The following SLC10A7 variants were observed in gnomAD, a reference collection of about 807,000 sequenced individuals.
SLC10A7 encodes solute carrier family 10 member 7, also known as sodium/bile acid cotransporter 7.
In SLC10A7, 29 loss-of-function variants were observed where a neutral mutation model predicts 43.2. That is an observed-to-expected ratio of 0.67 (90% CI 0.50 to 0.92). The LOEUF is 0.92. SLC10A7 is among the 40% of genes least tolerant of loss of function. The pLI, the probability that SLC10A7 is intolerant of heterozygous loss-of-function variation, is 0.00. For synonymous variants in SLC10A7, 152 were observed against 144.8 expected, an observed-to-expected ratio of 1.05 and a Z score of -0.35; for missense variants, 295 against 403.2, an observed-to-expected ratio of 0.73 and a Z score of 2.30.
chr4:146,363,407 A>G (rs1316059350), intron 5 of SLC10A7, among the ~76,000 whole-genome samples: 1 of 152,174 alleles, frequency 6.6e-6, no homozygotes, highest in Non-Finnish European at 1.5e-5. Context: ...CCAATACAAT[A>G]ATAGCTGGTG....
In SLC10A7 at chr4:146,375,259, A is replaced by T. The variant is rs1324318214; in HGVS notation, c.436-49263T>A. ...AACAAAACACAACAAAAAACCAAACAGTATGAATAGACAGGAGCTTAATAA... is the reference window on the plus strand; with the variant it reads ...AACAAAACACAACAAAAAACCAAACTGTATGAATAGACAGGAGCTTAATAA... On this transcript the variant is annotated intron_variant, in intron 5 of 11. Coordinates refer to ENST00000335472, the MANE Select transcript of SLC10A7 (RefSeq NM_001029998.6). Among the ~76,000 whole-genome samples, 6 of 152,146 alleles carry T rather than the reference A, an allele frequency of 3.9e-5. No homozygotes were observed. The South Asian group carries it at 6.2e-4, about 16-fold the overall frequency.
At chr4:146,289,993 C>T (rs1290795584) in intron 9 of SLC10A7, among the ~76,000 whole-genome samples, 1 of 147,366 alleles carries the variant, frequency 6.8e-6, no homozygotes, top group Non-Finnish European at 1.5e-5. Context: ...GGATTACAGG[C>T]GTGAGCAACC....
At chr4:146,423,531 C>G (rs987776377) in intron 5 of SLC10A7, among the ~76,000 whole-genome samples, 4 of 152,162 alleles carry the variant, frequency 2.6e-5, no homozygotes, top group Non-Finnish European at 5.9e-5. Flanking sequence ...TAGAGACAGT[C>G]TTTGCCTGAC....
chr4:146,267,251 T>C (rs1033909450), intron 10 of SLC10A7, among the ~76,000 whole-genome samples: 4 of 152,194 alleles, frequency 2.6e-5, no homozygotes, highest in African/African-American at 9.7e-5. Flanking sequence ...GTGGTGGGTA[T>C]GACTTGCCTG....
intron 5 of SLC10A7, among the ~76,000 whole-genome samples, chr4:146,392,237 G>A (rs1007241764): frequency 1.3e-5 from 2 of 152,108 alleles, no homozygotes; most frequent in African/African-American, 4.8e-5. Context: ...AACATAATAT[G>A]TTCCCATTCT....
intron 10 of SLC10A7, among the ~76,000 whole-genome samples, chr4:146,263,712 C>T (rs115796913): frequency 4.4e-4 from 67 of 152,108 alleles, no homozygotes; most frequent in Non-Finnish European, 5.6e-4. Context: ...ACACTATGCA[C>T]GCATTTACAA....
chr4:146,310,655 C>T (rs1731912296), intron 6 of SLC10A7, among the ~76,000 whole-genome samples: 1 of 152,006 alleles, frequency 6.6e-6, no homozygotes, highest in South Asian at 2.1e-4. Flanking sequence ...TGAATGCTTA[C>T]TGCATGTGGA....
chr4:146,352,593 GCACCA>G (rs1735211292), intron 5 of SLC10A7, among the ~76,000 whole-genome samples: 1 of 147,376 alleles, frequency 6.8e-6, no homozygotes, highest in Non-Finnish European at 1.5e-5. Flanking sequence ...ATTTTTTTCA[GCACCA>G]CACCACACCT....
chr4:146,461,773 G>GAA (rs774251605), intron 4 of SLC10A7, among the ~76,000 whole-genome samples: 5 of 53,166 alleles, frequency 9.4e-5, no homozygotes, highest in Non-Finnish European at 2.1e-4. Context: ...TCAATGAGAA[G>GAA]AAAAAAAAAA....
rs576158084 is a variant in SLC10A7, at chr4:146,364,447, C to T, written c.436-38451G>A. On this transcript the variant is annotated intron_variant, in intron 5 of 11. Transcript: ENST00000335472. ...AAGACCCATCCTACTCAAACTATTC[C>T]GAAAAATTGAGGAGGAAGAATAGAT... is the stretch of plus-strand genomic sequence containing the variant. 5.3e-5 allele frequency among the ~76,000 whole-genome samples: 8 copies of T among 151,980 alleles called. No homozygotes were observed. In the East Asian group the frequency reaches 1.5e-3, roughly 29 times the overall value.
intron 9 of SLC10A7, among the ~76,000 whole-genome samples, chr4:146,288,468 A>G (rs992598411): frequency 1.3e-5 from 2 of 152,216 alleles, no homozygotes; most frequent in Non-Finnish European, 2.9e-5. Context: ...CTAAAGTCAC[A>G]CAACTAGTAA....
chr4:146,474,350 G>T (rs183807960), intron 4 of SLC10A7, among the ~76,000 whole-genome samples: 1 of 152,126 alleles, frequency 6.6e-6, no homozygotes, highest in Admixed American at 6.5e-5. Flanking sequence ...TATTCTTCAA[G>T]AATTCTTACA....
At chr4:146,291,015 T>A (rs1417708792) in intron 9 of SLC10A7, among the ~76,000 whole-genome samples, 1 of 152,250 alleles carries the variant, frequency 6.6e-6, no homozygotes, top group Non-Finnish European at 1.5e-5. Flanking sequence ...TCAGTTCAAC[T>A]AGGTGTCACA....
intron 5 of SLC10A7, among the ~76,000 whole-genome samples, chr4:146,344,014 G>A (rs1236730743): frequency 6.6e-6 from 1 of 151,978 alleles, no homozygotes; most frequent in Non-Finnish European, 1.5e-5. Context: ...AAGCGTTTGT[G>A]TGCTACATAA....
chr4:146,304,357 A>G (rs1012774021), intron 7 of SLC10A7, among the ~76,000 whole-genome samples: 13 of 151,966 alleles, frequency 8.6e-5, no homozygotes, highest in African/African-American at 3.1e-4. Context: ...GTTGCAGAAT[A>G]AGGTAAAGAC....
chr4:146,487,305 C>T (rs970541294), intron 4 of SLC10A7, among the ~76,000 whole-genome samples: 2 of 152,210 alleles, frequency 1.3e-5, no homozygotes, highest in African/African-American at 4.8e-5. Context: ...TTTACACTCA[C>T]CTGTTGTTTA....
intron 10 of SLC10A7, among the ~76,000 whole-genome samples, chr4:146,265,112 TG>T (rs1394196720): frequency 6.6e-6 from 1 of 152,252 alleles, no homozygotes; most frequent in African/African-American, 2.4e-5. Context: ...TAAGCACTAC[TG>T]GATGCTAAGT....
At chr4:146,387,126 G>A (rs796143322) in intron 5 of SLC10A7, among the ~76,000 whole-genome samples, 6 of 152,232 alleles carry the variant, frequency 3.9e-5, no homozygotes, top group African/African-American at 1.2e-4. Context: ...AGACAATTGG[G>A]TCACAAAGGT....
At chr4:146,357,058 AGAG>A (rs57170623) in intron 5 of SLC10A7, among the ~76,000 whole-genome samples, 8,607 of 152,240 alleles carry the variant, frequency 0.057, 360 homozygotes, top group South Asian at 0.18. Context: ...GCTCAATGAA[AGAG>A]GAGGAGAGGT....
Sources: allele counts gnomAD v4.1 joint callset (sites outside exome capture counted in the v4.1 genomes callset), GRCh38; gene constraint gnomAD v4.1.1; transcripts MANE v1.5; gene names NCBI Gene and HGNC (gene_info 2026-07-23, HGNC 2026-07-21).